Variants in PLPP7 observed in about 807,000 individuals in gnomAD.
PLPP7 encodes the protein inactive phospholipid phosphatase 7.
PLPP7 carries 11 observed loss-of-function variants against 16.9 expected under a neutral mutation model. That is an observed-to-expected ratio of 0.65 (90% CI 0.41 to 1.08). The LOEUF (loss-of-function observed/expected upper bound fraction) is 1.08, where lower values mean the gene tolerates loss of function less well. Among genes scored for constraint, PLPP7 ranks in the 50% least tolerant of loss-of-function variants. The pLI, the probability that PLPP7 is intolerant of heterozygous loss-of-function variation, is 0.00. For synonymous variants in PLPP7, 174 were observed against 175.1 expected (o/e 0.99, Z 0.05); for missense variants, 358 against 397.1 (o/e 0.90, Z 0.84).
chr9:131,296,230 AT>A (rs2131215272), intron 1 of PLPP7, among the ~76,000 whole-genome samples: 1 of 152,002 alleles, frequency 6.6e-6, no homozygotes, highest in African/African-American at 2.4e-5. Flanking sequence ...GGTTTTGGGT[AT>A]TTTTTGTTTG....
At chr9:131,292,655 G>T (rs1422411333) in intron 1 of PLPP7, 2 of 240,000 alleles carry the variant, frequency 8.3e-6, no homozygotes, top group Non-Finnish European at 1.3e-5. Context: ...AGAGAAGAAA[G>T]GAGGTGCATC....
intron 1 of PLPP7, among the ~76,000 whole-genome samples, chr9:131,305,592 G>T (rs1345621520): frequency 2.6e-5 from 4 of 151,562 alleles, no homozygotes; most frequent in Admixed American, 2.6e-4. Context: ...TTTAAGACAG[G>T]GTCTCACTCT....
At chr9:131,298,836 G>A (rs867852991) in intron 1 of PLPP7, among the ~76,000 whole-genome samples, 31 of 152,340 alleles carry the variant, frequency 2.0e-4, no homozygotes, top group Admixed American at 2.0e-3. Context: ...GGTGGGCCTC[G>A]AGGTGGGTTC....
rs149432139 is a variant in PLPP7, at chr9:131,307,483, C to T, written c.452-440C>T. 4.8e-3 allele frequency among the ~76,000 whole-genome samples: 578 copies of T among 120,058 alleles called. 2 individuals are homozygous for T. Among genetic ancestry groups the T allele is most frequent in the Middle Eastern group, 0.013 (2 of 158 alleles). 78.8% of individuals were successfully genotyped at this position (120,058 alleles called of 152,430 possible). ...AGGAGAATCGCTTGAATCCGGGAGGCGGAGGTTCCAGTGAGCCAAGATCTC... is the reference window on the plus strand; with the variant it reads ...AGGAGAATCGCTTGAATCCGGGAGGTGGAGGTTCCAGTGAGCCAAGATCTC... On this transcript the variant is annotated intron_variant, in intron 1 of 1. Coordinates refer to ENST00000372264, the MANE Select transcript of PLPP7 (RefSeq NM_032728.4).
Position 131,289,944 on chromosome 9 carries a change from G to A in PLPP7, c.-54G>A. On this transcript the variant is annotated 5_prime_UTR_variant, in exon 1 of 2. Transcript: ENST00000372264. ...TGGGGGCAGCTCTTGTCTTCGGGGA[G>A]AAGGCCCTTGGAGCCGGGCTGGCAT... is the stretch of plus-strand genomic sequence containing the variant. 1 of 1,350,288 alleles carries A rather than the reference G, an allele frequency of 7.4e-7. No individual in the cohort carries two copies. Among genetic ancestry groups the A allele is most frequent in the Non-Finnish European group, 9.5e-7 (1 of 1,050,398 alleles). The allele number at this position is 1,350,288 out of a possible 1,614,324, so 83.6% of individuals were successfully genotyped here.
At chr9:131,301,031 C>T (rs1231464134) in intron 1 of PLPP7, among the ~76,000 whole-genome samples, 1 of 152,150 alleles carries the variant, frequency 6.6e-6, no homozygotes. Flanking sequence ...TGCAGTGGTG[C>T]CATCTCAGCT....
Position 131,308,144 on chromosome 9 carries a change from G to A in PLPP7, c.673G>A (p.Val225Met), listed in dbSNP as rs766904221. The change falls in exon 2 of 2, where the codon GTG (valine) becomes ATG (methionine). Residue 225 changes from valine (V) to methionine (M), a missense_variant. Physicochemically the swap from Val to Met is conservative, Grantham distance 21. Coordinates refer to ENST00000372264, the MANE Select transcript of PLPP7 (RefSeq NM_032728.4). ...RVLLVLWALC[V>M]GLSRVMIGRH... ...GCTGCTGGTGCTCTGGGCCCTCTGC[G>A]TGGGCCTGTCCCGCGTGATGATCGG... 7.5e-6 allele frequency: 12 copies of A among 1,600,836 alleles called. No individual in the cohort carries two copies. The highest frequency in any genetic ancestry group is 1.7e-5 in the Admixed American group (1 of 60,014).
chr9:131,290,955 T>A lies in PLPP7; in HGVS notation c.451+507T>A, dbSNP rs571317681. Among the ~76,000 whole-genome samples, 3 of 152,094 alleles carry A rather than the reference T, an allele frequency of 2.0e-5. No homozygotes were observed. The East Asian group carries it at 5.8e-4, about 29-fold the overall frequency. The stretch of plus-strand genomic sequence containing the variant: ...AGCTGCCCAGGCTTCTTCCCCAGGG[T>A]CTGGGGACCCAGGGAGTTCCCCTGG... On this transcript the variant is annotated intron_variant, in intron 1 of 1. Coordinates refer to ENST00000372264, the MANE Select transcript of PLPP7 (RefSeq NM_032728.4). The surrounding 1 kb of genome is among the most constrained non-coding windows in gnomAD (Gnocchi z 4.2).
chr9:131,303,332 TAAAAA>T (rs34474446), intron 1 of PLPP7, among the ~76,000 whole-genome samples: 1 of 99,176 alleles, frequency 1.0e-5, no homozygotes, highest in African/African-American at 3.9e-5. Context: ...AACTCTGTCT[TAAAAA>T]AAAAAAAAAA....
At chr9:131,293,099 T>C (rs905596519) in intron 1 of PLPP7, 1 of 374,246 alleles carries the variant, frequency 2.7e-6, no homozygotes, top group Non-Finnish European at 3.7e-6. Context: ...AATATGCCCA[T>C]TTTACAGATG....
Position 131,308,384 on chromosome 9 carries a change from C to G in PLPP7, c.*97C>G, listed in dbSNP as rs922233539. The G allele has an allele frequency of 3.2e-5, 46 of 1,444,050 alleles. No individual in the cohort carries two copies. The highest frequency in any genetic ancestry group is 2.1e-5 in the Non-Finnish European group (23 of 1,100,536). 89.5% of individuals were successfully genotyped at this position (1,444,050 alleles called of 1,614,324 possible). ...GGCGGGCGTGGGTGGAACAGAGCGG[C>G]CAGGAGTCAGAGCGGCCACCCCCAC... On this transcript the variant is annotated 3_prime_UTR_variant, in exon 2 of 2. Coordinates refer to ENST00000372264, the MANE Select transcript of PLPP7 (RefSeq NM_032728.4).
At chr9:131,297,770 A>G (rs1191566897) in intron 1 of PLPP7, among the ~76,000 whole-genome samples, 1 of 152,252 alleles carries the variant, frequency 6.6e-6, no homozygotes, top group African/African-American at 2.4e-5. Flanking sequence ...ACAAGAAGTC[A>G]GTAAAAATCA....
intron 1 of PLPP7, among the ~76,000 whole-genome samples, chr9:131,303,427 T>G (rs1366308264): frequency 6.6e-6 from 1 of 151,292 alleles, no homozygotes; most frequent in East Asian, 1.9e-4. Context: ...ACAGGTGATT[T>G]AAACTCTAAC....
chr9:131,295,669 C>T lies in PLPP7; in HGVS notation c.451+5221C>T, dbSNP rs868699906. Among the ~76,000 whole-genome samples the T allele has an allele frequency of 6.6e-6, 1 of 151,718 alleles. No homozygotes were observed. Among genetic ancestry groups the T allele is most frequent in the Non-Finnish European group, 1.5e-5 (1 of 67,922 alleles). On this transcript the variant is annotated intron_variant, in intron 1 of 1. Transcript: ENST00000372264. This position sits in a 1 kb window ranked among gnomAD's most constrained non-coding sequence, Gnocchi z 4.0. ...TAAGCACTGACTCCCCACTCCCCTT[C>T]CCCCAGCCCCTGGCAACCTCCATTC...
At position 131,290,025 on chromosome 9, in the gene PLPP7, G is replaced by A; in HGVS notation, c.28G>A (p.Ala10Thr). 7.0e-7 allele frequency: 1 copy of A among 1,437,868 alleles called. No homozygotes were observed. Among genetic ancestry groups the A allele is most frequent in the East Asian group, 2.6e-5 (1 of 37,884 alleles). The allele number at this position is 1,437,868 out of a possible 1,614,324, so 89.1% of individuals were successfully genotyped here. A position where few individuals can be genotyped will look rare whatever the true frequency, so the allele number is the denominator to read the frequency against. ...GCCAGCTTCCCAGAGCCGGGCCCGT[G>A]CCCGGGACCGCAACAACGTCCTCAA... is the stretch of plus-strand genomic sequence containing the variant. MPASQSRAR[A>T]RDRNNVLNRA... Residue 10 changes from alanine (A) to threonine (T), a missense_variant, in exon 1 of 2, where the codon GCC becomes ACC. Ala to Thr is a moderately conservative substitution (Grantham distance 58, BLOSUM62 0). Coordinates refer to ENST00000372264, the MANE Select transcript of PLPP7 (RefSeq NM_032728.4). This position sits in a 1 kb window ranked among gnomAD's most constrained non-coding sequence, Gnocchi z 4.2.
chr9:131,308,275 C>A lies in PLPP7; in HGVS notation c.804C>A (p.Ile268=). The change falls in exon 2 of 2, where the codon ATC becomes ATA. Residue 268 remains isoleucine (I), a synonymous_variant. Coordinates refer to ENST00000372264, the MANE Select transcript of PLPP7 (RefSeq NM_032728.4). The part of the protein sequence containing the change: ...WMPSSTCQML[I]SAW ...CCTCCAGCACCTGCCAGATGCTCAT[C>A]TCTGCCTGGTGAAGCGCCCGCCGGC... 6.3e-7 allele frequency: 1 copy of A among 1,590,932 alleles called. No individual in the cohort carries two copies. Among genetic ancestry groups the A allele is most frequent in the Admixed American group, 1.7e-5 (1 of 58,804 alleles).
At chr9:131,301,813 CTT>C (rs59151233) in intron 1 of PLPP7, among the ~76,000 whole-genome samples, 198 of 114,626 alleles carry the variant, frequency 1.7e-3, no homozygotes, top group African/African-American at 3.8e-3. Context: ...GGAACTTGTT[CTT>C]TTTTTTTTTT....
At chr9:131,307,139 G>A (rs550641254) in intron 1 of PLPP7, among the ~76,000 whole-genome samples, 13 of 151,510 alleles carry the variant, frequency 8.6e-5, no homozygotes, top group East Asian at 5.8e-4. Context: ...CCAGCTACTC[G>A]GGAGGCTGAA....
chr9:131,307,455 G>A (rs1262959699), intron 1 of PLPP7, among the ~76,000 whole-genome samples: 3 of 145,944 alleles, frequency 2.1e-5, no homozygotes, highest in Non-Finnish European at 4.5e-5. Flanking sequence ...AGGAGGCCGA[G>A]GCAGGAGAAT....
Sources: allele counts gnomAD v4.1 joint callset (sites outside exome capture counted in the v4.1 genomes callset), GRCh38; gene constraint gnomAD v4.1.1; non-coding constraint Gnocchi (gnomAD v3.1); transcripts MANE v1.5; gene names NCBI Gene and HGNC (gene_info 2026-07-23, HGNC 2026-07-21).